The following DCUN1D3 variants were observed in gnomAD, a reference collection of about 807,000 sequenced individuals.
DCUN1D3 encodes the protein defective in cullin neddylation 1 domain containing 3.
A neutral mutation model predicts 24.8 loss-of-function variants in DCUN1D3; 6 were observed. The observed-to-expected ratio is 0.24, with a 90% CI of 0.13 to 0.48. DCUN1D3 has a LOEUF of 0.48. DCUN1D3 is among the 20% of genes least tolerant of loss of function. DCUN1D3 has a pLI of 0.99. For missense variants in DCUN1D3, 258 were observed against 379.4 expected, an observed-to-expected ratio of 0.68 and a Z score of 2.66; for synonymous variants, 120 against 144.9, an observed-to-expected ratio of 0.83 and a Z score of 1.24.
At chr16:20,870,929 G>A (rs1596632214) in intron 1 of DCUN1D3, among the ~76,000 whole-genome samples, 1 of 152,222 alleles carries the variant, frequency 6.6e-6, no homozygotes, top group South Asian at 2.1e-4. Context: ...TACTGGCACA[G>A]CCATCCTCCG....
rs541880867 is a variant in DCUN1D3 at position 20,897,031 on chromosome 16, GTCC to G, written c.-106+3170_-106+3172del. ...TACTAGAACCTAAAACAGGTGACAA[GTCC>G]TCAATTTCTGATTCGTTTTCCCCAA... On this transcript the variant is annotated intron_variant, in intron 1 of 2. Transcript: ENST00000324344. 3.2e-4 allele frequency among the ~76,000 whole-genome samples: 48 copies of G among 152,270 alleles called. 1 individual carries two copies. In the South Asian group the frequency reaches 9.9e-3, roughly 32 times the overall value.
chr16:20,897,651 CAA>C (rs1335773983), intron 1 of DCUN1D3, among the ~76,000 whole-genome samples: 1 of 152,130 alleles, frequency 6.6e-6, no homozygotes, highest in East Asian at 1.9e-4. Context: ...GAGCTGGAAA[CAA>C]AGGAGGATTC....
rs1286662126 is a variant in DCUN1D3 at position 20,862,072 on chromosome 16, C to T, written c.431+36G>A. 5.0e-6 allele frequency: 8 copies of T among 1,602,614 alleles called. No individual in the cohort carries two copies. The South Asian group carries it at 5.6e-5, about 11-fold the overall frequency. ...GCCCAATGCTGTTCCCTTTCCTCCA[C>T]TGCTCACCTGGTGACATAAAGTGTT... is the stretch of plus-strand genomic sequence containing the variant. On this transcript the variant is annotated intron_variant, in intron 2 of 2. Transcript: ENST00000324344.
Position 20,860,521 on chromosome 16 carries a change from A to C in DCUN1D3, c.432-152T>G. ...AATTAGTCCTATTTCCTTACTTGTCAAATGGTAAAAATACCACCTTACTTC... is the reference window on the plus strand; with the variant it reads ...AATTAGTCCTATTTCCTTACTTGTCCAATGGTAAAAATACCACCTTACTTC... On this transcript the variant is annotated intron_variant, in intron 2 of 2. Transcript: ENST00000324344. The surrounding 1 kb of genome is among the most constrained non-coding windows in gnomAD (Gnocchi z 4.3). 1.2e-6 allele frequency: 1 copy of C among 828,086 alleles called. No individual in the cohort carries two copies. Among genetic ancestry groups the C allele is most frequent in the Non-Finnish European group, 1.8e-6 (1 of 547,356 alleles). 51.3% of individuals were successfully genotyped at this position (828,086 alleles called of 1,614,324 possible). A position where few individuals can be genotyped will look rare whatever the true frequency, so the allele number is the denominator to read the frequency against.
intron 1 of DCUN1D3, among the ~76,000 whole-genome samples, chr16:20,874,487 TC>T (rs2081804498): frequency 6.6e-6 from 1 of 152,190 alleles, no homozygotes; most frequent in African/African-American, 2.4e-5. Flanking sequence ...AGGAACCCCG[TC>T]CCAGCATTCA....
intron 1 of DCUN1D3, among the ~76,000 whole-genome samples, chr16:20,894,968 T>C (rs2081908885): frequency 6.6e-6 from 1 of 152,156 alleles, no homozygotes; most frequent in Non-Finnish European, 1.5e-5. Context: ...GGTTCTACAT[T>C]GGCAGATTCG....
At chr16:20,896,540 A>G (rs190992839) in intron 1 of DCUN1D3, among the ~76,000 whole-genome samples, 4 of 151,708 alleles carry the variant, frequency 2.6e-5, no homozygotes, top group African/African-American at 9.7e-5. Flanking sequence ...GTCCCCTCCT[A>G]CCCACCCGCC....
At chr16:20,887,726 T>C (rs538905292) in intron 1 of DCUN1D3, among the ~76,000 whole-genome samples, 94 of 152,206 alleles carry the variant, frequency 6.2e-4, no homozygotes, top group Non-Finnish European at 1.2e-3. Context: ...GGCTTTTCTC[T>C]TTATCTGAGA....
intron 1 of DCUN1D3, among the ~76,000 whole-genome samples, chr16:20,892,490 T>A (rs745320881): frequency 2.0e-4 from 30 of 152,190 alleles, no homozygotes; most frequent in Non-Finnish European, 3.5e-4. Flanking sequence ...AGTCATTAAG[T>A]AGACATAAAG....
chr16:20,893,825 C>A (rs1372656317), intron 1 of DCUN1D3, among the ~76,000 whole-genome samples: 3 of 152,236 alleles, frequency 2.0e-5, no homozygotes, highest in Admixed American at 6.5e-5. Flanking sequence ...AATGCTATGA[C>A]TTGAGACTCG....
Position 20,900,265 on chromosome 16 carries a change from C to T in DCUN1D3, c.-167G>A. The T allele has an allele frequency of 6.6e-6, 1 of 151,642 alleles. No individual in the cohort carries two copies. The allele number at this position is 151,642 out of a possible 1,614,324, so 9.4% of individuals were successfully genotyped here. On this transcript the variant is annotated 5_prime_UTR_variant, in exon 1 of 3. Transcript: ENST00000324344. ...GGAAACGACGGCGGCCCGGCGGGTC[C>T]AAACCACCTACCATCCCCGCTCGCG...
rs748599193 is a variant in DCUN1D3 at position 20,860,290 on chromosome 16, T to C, written c.511A>G (p.Thr171Ala). ...GICARFPSLL[T>A]EAKQEDKFKD... ...AATTTATCCTCTTGTTTGGCTTCTG[T>C]TAAGAGGCTAGGGAACCGTGCACAG... Residue 171 changes from threonine to alanine, a missense_variant, in exon 3 of 3, where the codon ACA (threonine) becomes GCA (alanine). Coordinates refer to ENST00000324344, the MANE Select transcript of DCUN1D3 (RefSeq NM_173475.4). This position sits in a 1 kb window ranked among gnomAD's most constrained non-coding sequence, Gnocchi z 4.3. 4 of 1,614,098 alleles carry C rather than the reference T, an allele frequency of 2.5e-6. No homozygotes were observed. The highest frequency in any genetic ancestry group is 3.4e-6 in the Non-Finnish European group (4 of 1,180,044).
chr16:20,870,297 G>C (rs931219170), intron 1 of DCUN1D3, among the ~76,000 whole-genome samples: 5 of 152,162 alleles, frequency 3.3e-5, no homozygotes, highest in Non-Finnish European at 7.3e-5. Context: ...AAGACTATCA[G>C]AGTCAAAGAA....
intron 1 of DCUN1D3, among the ~76,000 whole-genome samples, chr16:20,876,754 G>C (rs188888888): frequency 5.3e-5 from 8 of 152,256 alleles, no homozygotes; most frequent in African/African-American, 7.2e-5. Flanking sequence ...TATACACAAT[G>C]GAATATTATT....
At chr16:20,877,152 C>T (rs2081819980) in intron 1 of DCUN1D3, among the ~76,000 whole-genome samples, 1 of 151,984 alleles carries the variant, frequency 6.6e-6, no homozygotes, top group South Asian at 2.1e-4. Context: ...TCCCAATTAC[C>T]CTGATTTGAT....
intron 1 of DCUN1D3, among the ~76,000 whole-genome samples, chr16:20,864,197 T>C (rs139430761): frequency 6.6e-6 from 1 of 152,068 alleles, no homozygotes; most frequent in Non-Finnish European, 1.5e-5. Context: ...TATGAAACTA[T>C]CAAGAGATTC....
intron 1 of DCUN1D3, among the ~76,000 whole-genome samples, chr16:20,885,218 G>A (rs180759626): frequency 5.3e-5 from 8 of 151,946 alleles, no homozygotes; most frequent in South Asian, 2.1e-4. Flanking sequence ...TCGTGATTCC[G>A]CCCGCCTCAG....
At chr16:20,889,285 G>A (rs1055567608) in intron 1 of DCUN1D3, among the ~76,000 whole-genome samples, 3 of 151,756 alleles carry the variant, frequency 2.0e-5, no homozygotes, top group East Asian at 1.9e-4. Flanking sequence ...CCAACTACTC[G>A]GGAAGCTGAG....
intron 1 of DCUN1D3, among the ~76,000 whole-genome samples, chr16:20,863,127 C>T (rs1596628421): frequency 6.6e-6 from 1 of 152,104 alleles, no homozygotes; most frequent in East Asian, 1.9e-4. Context: ...CTCATAATGC[C>T]CTAATGATGA....
Sources: gnomAD v4.1 joint callset for allele counts (sites outside exome capture counted in the v4.1 genomes callset) on GRCh38, gnomAD v4.1.1 for gene constraint, Gnocchi (gnomAD v3.1) non-coding constraint, MANE v1.5 for transcripts, NCBI Gene and HGNC (gene_info 2026-07-23, HGNC 2026-07-21) for gene names.